Variants in NSD2 observed in about 807,000 individuals in gnomAD.
NSD2 encodes histone-lysine N-methyltransferase NSD2.
NSD2 carries 12 observed loss-of-function variants against 139.0 expected under a neutral mutation model. The observed-to-expected ratio is 0.09, with a 90% confidence interval of 0.06 to 0.14. The LOEUF (loss-of-function observed/expected upper bound fraction) is 0.14. Ranked by LOEUF, NSD2 falls within the 10% of genes least tolerant of loss-of-function variation. The probability of loss-of-function intolerance (pLI) is 1.00; values close to 1 mark genes in which losing one functional copy is unlikely to be tolerated. For synonymous variants in NSD2, 669 were observed against 648.7 expected, an observed-to-expected ratio of 1.03 and a Z score of -0.48; for missense variants, 1,155 against 1,745.0, an observed-to-expected ratio of 0.66 and a Z score of 6.02.
intron 6 of NSD2, among the ~76,000 whole-genome samples, chr4:1,934,869 A>ATCT (rs1335313034): frequency 9.6e-6 from 1 of 104,364 alleles, no homozygotes; most frequent in Non-Finnish European, 1.9e-5. Context: ...AAAAAAAAAA[A>ATCT]AAAAAAAAAA....
At chr4:1,915,111 C>CTTTTTTTTTTTTTTTTT (rs781255847) in intron 3 of NSD2, among the ~76,000 whole-genome samples, 2 of 115,562 alleles carry the variant, frequency 1.7e-5, no homozygotes, top group African/African-American at 3.5e-5. Context: ...CTTTTTTTCT[C>CTTTTTTTTTTTTTTTTT]TTTTTTTTTT....
At chr4:1,907,426 C>T (rs1051509653) in intron 3 of NSD2, among the ~76,000 whole-genome samples, 1 of 152,084 alleles carries the variant, frequency 6.6e-6, no homozygotes, top group South Asian at 2.1e-4. Flanking sequence ...GGTATTCCCT[C>T]AGTTTTCAAA....
intron 18 of NSD2, among the ~76,000 whole-genome samples, chr4:1,968,902 A>G (rs527759475): frequency 6.6e-6 from 1 of 152,350 alleles, no homozygotes; most frequent in Admixed American, 6.5e-5. Context: ...AGCCAAACAA[A>G]TCTATACATA....
At chr4:1,943,997 T>C in intron 9 of NSD2, 2 of 1,065,238 alleles carry the variant, frequency 1.9e-6, no homozygotes, top group Non-Finnish European at 2.3e-6. Flanking sequence ...GACCAAATGG[T>C]GTCCAAAGAG....
At chr4:1,939,114 C>T (rs1408313881) in intron 8 of NSD2, among the ~76,000 whole-genome samples, 2 of 152,010 alleles carry the variant, frequency 1.3e-5, no homozygotes, top group Non-Finnish European at 2.9e-5. Context: ...GAAAACAAAA[C>T]CCTGGGGAGG....
In NSD2 at chr4:1,974,304, G is replaced by T. The variant is rs1007747524; in HGVS notation, c.3373-559G>T. On this transcript the variant is annotated intron_variant, in intron 18 of 21. Transcript: ENST00000508803. This position sits in a 1 kb window ranked among gnomAD's most constrained non-coding sequence, Gnocchi z 4.0. ...CCACTCTCTGTAACCTCCGCCTCCC[G>T]GGTTCAAGTGATTCTCCTGCCTCAG... Among the ~76,000 whole-genome samples the T allele has an allele frequency of 3.3e-5, 5 of 151,534 alleles. No homozygotes were observed. Among genetic ancestry groups the T allele is most frequent in the South Asian group, 2.1e-4 (1 of 4,762 alleles).
intron 1 of NSD2, among the ~76,000 whole-genome samples, chr4:1,898,460 C>A (rs916209850): frequency 6.6e-6 from 1 of 152,006 alleles, no homozygotes; most frequent in Non-Finnish European, 1.5e-5. Flanking sequence ...GTCAGGAGAT[C>A]GAGACCATCC....
At position 1,981,175 on chromosome 4, in the gene NSD2, C is replaced by G. The variant is rs920148041; in HGVS notation, c.*2266C>G. ...TATGATTTTTCTGAAGGAAATAATGCAAACATTTTAAATATGTTTCTCCCC... is the reference window on the plus strand; with the variant it reads ...TATGATTTTTCTGAAGGAAATAATGGAAACATTTTAAATATGTTTCTCCCC... On this transcript the variant is annotated 3_prime_UTR_variant, in exon 22 of 22. Transcript: ENST00000508803. 4.3e-6 allele frequency: 1 copy of G among 233,156 alleles called. No individual in the cohort carries two copies. Among genetic ancestry groups the G allele is most frequent in the Admixed American group, 5.6e-5 (1 of 17,780 alleles). The allele number at this position is 233,156 out of a possible 1,614,324, so 14.4% of individuals were successfully genotyped here.
chr4:1,929,968 A>AC (rs1721441602), intron 5 of NSD2, among the ~76,000 whole-genome samples: 1 of 152,116 alleles, frequency 6.6e-6, no homozygotes, highest in Non-Finnish European at 1.5e-5. Context: ...ATCATCCTAG[A>AC]GACCTTGTGA....
At chr4:1,887,911 C>CT (rs61238782) in intron 1 of NSD2, among the ~76,000 whole-genome samples, 91 of 149,036 alleles carry the variant, frequency 6.1e-4, no homozygotes, top group African/African-American at 1.5e-3. Context: ...TCCTTTTTTT[C>CT]TTTTTTTTTT....
chr4:1,900,784 T>C lies in NSD2; in HGVS notation c.130T>C (p.Cys44Arg). ...KTPSCEVNRE[C>R]SVFLSKAQLS... is the part of the protein sequence containing the mutation. ...TCCGAGCTGCGAGGTGAACCGCGAGTGTTCTGTGTTCCTCAGCAAAGCCCA... is the reference window on the plus strand; with the variant it reads ...TCCGAGCTGCGAGGTGAACCGCGAGCGTTCTGTGTTCCTCAGCAAAGCCCA... The change falls in exon 2 of 22, where the codon TGT (cysteine) becomes CGT (arginine). Residue 44 changes from cysteine to arginine, a missense_variant. By Grantham distance (180) the Cys-to-Arg change is radical. Coordinates refer to ENST00000508803, the MANE Select transcript of NSD2 (RefSeq NM_001042424.3). 6.2e-7 allele frequency: 1 copy of C among 1,613,856 alleles called. No homozygotes were observed. Among genetic ancestry groups the C allele is most frequent in the South Asian group, 1.1e-5 (1 of 91,064 alleles).
chr4:1,957,043 C>CACA (rs1481006242), intron 15 of NSD2, among the ~76,000 whole-genome samples: 1 of 152,228 alleles, frequency 6.6e-6, no homozygotes. Flanking sequence ...TTTGCTGCGA[C>CACA]TGTCGGCAAA....
chr4:1,935,089 A>C, intron 6 of NSD2, 55 bp from the exon 7 acceptor site: 1 of 1,465,072 alleles, frequency 6.8e-7, no homozygotes, highest in Non-Finnish European at 9.4e-7. Flanking sequence ...ACAGTGCTTC[A>C]AATGCAGCTT....
intron 5 of NSD2, among the ~76,000 whole-genome samples, chr4:1,922,996 C>T (rs775113556): frequency 2.0e-4 from 30 of 152,038 alleles, no homozygotes; most frequent in Non-Finnish European, 3.5e-4. Flanking sequence ...AACAGGCTCT[C>T]GAGCATGTGG....
Position 1,935,201 on chromosome 4 carries a change from A to T in NSD2, c.1613A>T (p.Asp538Val), listed in dbSNP as rs201639781. 21 of 1,613,872 alleles carry T rather than the reference A, an allele frequency of 1.3e-5. No homozygotes were observed. Among genetic ancestry groups the T allele is most frequent in the Non-Finnish European group, 1.8e-5 (21 of 1,179,870 alleles). ...AAGAGGATACAGGACCCTACAGAAG[A>T]TGCTGAAGCTGAGGACACACCCAGG... ...HTKRIQDPTE[D>V]AEAEDTPRKR... The change falls in exon 7 of 22, where the codon GAT becomes GTT. Residue 538 changes from aspartate to valine, a missense_variant. Coordinates refer to ENST00000508803, the MANE Select transcript of NSD2 (RefSeq NM_001042424.3).
chr4:1,932,172 C>T lies in NSD2; in HGVS notation c.1555+1402C>T, dbSNP rs184012968. On this transcript the variant is annotated intron_variant, in intron 6 of 21. Coordinates refer to ENST00000508803, the MANE Select transcript of NSD2 (RefSeq NM_001042424.3). The stretch of plus-strand genomic sequence containing the variant: ...ACACAGATGTCTGGGCACGGTGGCT[C>T]ACACCTGTAATCCCAGCACTTTGGG... Among the ~76,000 whole-genome samples, 6 of 152,288 alleles carry T rather than the reference C, an allele frequency of 3.9e-5. No individual in the cohort carries two copies. In the East Asian group the frequency reaches 1.2e-3, roughly 29 times the overall value.
chr4:1,938,412 C>CTTTATTTTTTTTT, intron 7 of NSD2, 39 bp from the exon 8 acceptor site: 1 of 635,586 alleles, frequency 1.6e-6, no homozygotes, highest in Non-Finnish European at 2.0e-6. Flanking sequence ...TTTTTTTTTT[C>CTTTATTTTTTTTT]TTTCTTTTTT....
intron 9 of NSD2, chr4:1,945,408 G>A: frequency 9.4e-7 from 1 of 1,064,850 alleles, no homozygotes; most frequent in South Asian, 4.6e-5. Context: ...GTCCAGAGGT[G>A]TGTGTGAGGC....
chr4:1,943,486 AGTG>A, intron 9 of NSD2: 4 of 1,046,764 alleles, frequency 3.8e-6, no homozygotes, highest in Non-Finnish European at 3.5e-6. Flanking sequence ...TGGCATGAAA[AGTG>A]GTCCTCTTGA....
Sources: gnomAD v4.1 joint callset for allele counts (sites outside exome capture counted in the v4.1 genomes callset) on GRCh38, gnomAD v4.1.1 for gene constraint, Gnocchi (gnomAD v3.1) non-coding constraint, MANE v1.5 for transcripts, NCBI Gene and HGNC (gene_info 2026-07-23, HGNC 2026-07-21) for gene names.